MACROD2: variants seen among roughly 807,000 people sequenced by gnomAD.
MACROD2 encodes the protein mono-ADP ribosylhydrolase 2.
Under a neutral mutation model 70.4 loss-of-function variants are expected in MACROD2, and 36 were observed. The ratio of observed to expected loss-of-function variants is 0.51; its 90% CI spans 0.39 to 0.68. The LOEUF is 0.68. Ranked by LOEUF, MACROD2 falls within the 30% of genes least tolerant of loss-of-function variation. The pLI is 0.00. For missense variants in MACROD2, 496 were observed against 538.4 expected (o/e 0.92, Z 0.78); for synonymous variants, 172 against 178.8 (o/e 0.96, Z 0.30).
At chr20:15,514,687 G>T (rs539271844) in intron 8 of MACROD2, among the ~76,000 whole-genome samples, 1 of 152,162 alleles carries the variant, frequency 6.6e-6, no homozygotes, top group Non-Finnish European at 1.5e-5. Context: ...GAAGTATTGA[G>T]TGCTTCCTTT....
At chr20:14,329,466 T>C (rs1229809588) in intron 3 of MACROD2, 1 of 152,124 alleles carries the variant, frequency 6.6e-6, no homozygotes, top group Non-Finnish European at 1.5e-5. Context: ...TAGGTTGACC[T>C]CTTTGTTTTT....
Position 14,862,715 on chromosome 20 carries a change from A to ATATAAAAATATATATATATT in MACROD2, c.418+177757_418+177758insATAAAAATATATATATATTT, listed in dbSNP as rs2073384739. Among the ~76,000 whole-genome samples the ATATAAAAATATATATATATT allele has an allele frequency of 1.5e-3, 97 of 63,278 alleles. 4 individuals carry two copies. The highest frequency in any genetic ancestry group is 0.01 in the East Asian group (20 of 1,952). The allele number at this position is 63,278 out of a possible 152,430, so 41.5% of individuals were successfully genotyped here. A position where few individuals can be genotyped will look rare whatever the true frequency, so the allele number is the denominator to read the frequency against. On this transcript the variant is annotated intron_variant, in intron 5 of 17. Coordinates refer to ENST00000684519, the MANE Select transcript of MACROD2 (RefSeq NM_001351661.2). The stretch of plus-strand genomic sequence containing the variant: ...AATATATATAAATATATATATATAT[A>ATATAAAAATATATATATATT]TTTTTTTTTAATAGAGAGGATGAAG...
chr20:14,733,325 T>C (rs528854997), intron 5 of MACROD2, among the ~76,000 whole-genome samples: 4 of 152,192 alleles, frequency 2.6e-5, no homozygotes, highest in Non-Finnish European at 5.9e-5. Flanking sequence ...ATTCCTGTGA[T>C]ACTTTGATTG....
intron 8 of MACROD2, among the ~76,000 whole-genome samples, chr20:15,606,860 G>A (rs2048900556): frequency 6.6e-6 from 1 of 152,054 alleles, no homozygotes; most frequent in Admixed American, 6.6e-5. Context: ...AAATTAGCTG[G>A]GTGTGGTGGC....
intron 3 of MACROD2, among the ~76,000 whole-genome samples, chr20:14,245,347 A>G (rs2081960789): frequency 7.0e-6 from 1 of 142,460 alleles, no homozygotes; most frequent in Admixed American, 7.2e-5. Context: ...TGGGTGACAG[A>G]GCTAGACTTC....
chr20:15,268,340 A>G (rs2077315077), intron 6 of MACROD2, among the ~76,000 whole-genome samples: 1 of 152,294 alleles, frequency 6.6e-6, no homozygotes, highest in Middle Eastern at 3.4e-3. Flanking sequence ...GAATTCTTTC[A>G]GATTAAAGTT....
At chr20:15,632,895 T>G (rs971782143) in intron 8 of MACROD2, among the ~76,000 whole-genome samples, 1 of 151,418 alleles carries the variant, frequency 6.6e-6, no homozygotes, top group Non-Finnish European at 1.5e-5. Flanking sequence ...CCTTCCATCC[T>G]TCTTTCGTTC....
intron 5 of MACROD2, among the ~76,000 whole-genome samples, chr20:14,971,438 G>A (rs894835923): frequency 6.8e-6 from 1 of 148,144 alleles, no homozygotes; most frequent in African/African-American, 2.5e-5. Context: ...TTTGACATTA[G>A]TAGGTAAAGG....
intron 3 of MACROD2, among the ~76,000 whole-genome samples, chr20:14,216,695 T>G (rs918028277): frequency 9.2e-5 from 14 of 152,302 alleles, no homozygotes; most frequent in African/African-American, 3.4e-4. Flanking sequence ...CAGTGTTTTG[T>G]AGGTTTCCTT....
intron 6 of MACROD2, among the ~76,000 whole-genome samples, chr20:15,423,439 C>T (rs372481296): frequency 6.6e-6 from 1 of 152,116 alleles, no homozygotes. Flanking sequence ...AATATATCCC[C>T]TCTGTCTTAG....
At chr20:14,590,468 A>G (rs1981690272) in intron 4 of MACROD2, among the ~76,000 whole-genome samples, 1 of 152,188 alleles carries the variant, frequency 6.6e-6, no homozygotes, top group Non-Finnish European at 1.5e-5. Context: ...GGACACATTC[A>G]AACTCCTAGC....
rs548249978 is a variant in MACROD2, at chr20:15,653,809, C to T, written c.645+153962C>T. 6.6e-5 allele frequency among the ~76,000 whole-genome samples: 10 copies of T among 152,234 alleles called. No individual in the cohort carries two copies. In the South Asian group the frequency reaches 1.2e-3, roughly 19 times the overall value. ...TGGGACTGACTATAAATCCCTATCC[C>T]GTATTCATACTGGAAAACTGGTAAG... is the stretch of plus-strand genomic sequence containing the variant. On this transcript the variant is annotated intron_variant, in intron 8 of 17. Transcript: ENST00000684519.
In MACROD2 at chr20:15,507,559, A is replaced by G. The variant is rs571638474; in HGVS notation, c.645+7712A>G. On this transcript the variant is annotated intron_variant, in intron 8 of 17. Transcript: ENST00000684519. The stretch of plus-strand genomic sequence containing the variant: ...TCCCCCCACCAGCCCGCCCCAGCCC[A>G]GACAATCCCTTATCACTCTGAGTCT... Among the ~76,000 whole-genome samples, 80 of 147,880 alleles carry G rather than the reference A, an allele frequency of 5.4e-4. 1 individual carries two copies. In the South Asian group the frequency reaches 6.6e-3, roughly 12 times the overall value.
At chr20:14,690,034 G>C (rs938693254) in intron 5 of MACROD2, among the ~76,000 whole-genome samples, 4 of 151,544 alleles carry the variant, frequency 2.6e-5, no homozygotes, top group Non-Finnish European at 5.9e-5. Flanking sequence ...ATACTACAAA[G>C]TCTCCTGTCT....
intron 8 of MACROD2, among the ~76,000 whole-genome samples, chr20:15,712,124 ATGT>A (rs2050637801): frequency 6.6e-6 from 1 of 152,246 alleles, no homozygotes; most frequent in Admixed American, 6.5e-5. Context: ...AGCAGCCAAA[ATGT>A]TGTTCTAACT....
intron 15 of MACROD2, among the ~76,000 whole-genome samples, chr20:16,032,856 A>C (rs73111749): frequency 0.12 from 17,793 of 151,796 alleles, 1,283 homozygotes; most frequent in Middle Eastern, 0.2. Flanking sequence ...AAGGAAAATG[A>C]GGAAAAGGTA....
chr20:14,758,040 G>A (rs2071965361), intron 5 of MACROD2: 3 of 669,722 alleles, frequency 4.5e-6, no homozygotes, highest in Non-Finnish European at 8.1e-6. Context: ...CATGGACATG[G>A]TCGGCCACCT....
chr20:14,787,581 A>G (rs2072390414), intron 5 of MACROD2, among the ~76,000 whole-genome samples: 2 of 152,044 alleles, frequency 1.3e-5, no homozygotes, highest in African/African-American at 4.8e-5. Context: ...TTATCTTCCT[A>G]TGTATCCAGG....
chr20:13,998,486 A>G (rs2052691239), intron 1 of MACROD2, among the ~76,000 whole-genome samples: 1 of 152,122 alleles, frequency 6.6e-6, no homozygotes, highest in Non-Finnish European at 1.5e-5. Context: ...CTGCTCAGTA[A>G]TATTGTAATA....
Sources: gnomAD v4.1 joint callset for allele counts (sites outside exome capture counted in the v4.1 genomes callset) on GRCh38, gnomAD v4.1.1 for gene constraint, MANE v1.5 for transcripts, NCBI Gene and HGNC (gene_info 2026-07-23, HGNC 2026-07-21) for gene names.